Variants in ITPKB observed in about 807,000 individuals in gnomAD.
The protein encoded by ITPKB is IP3 3-kinase B.
In ITPKB, 13 loss-of-function variants were observed where a neutral mutation model predicts 69.4. That is an observed-to-expected ratio of 0.19 (90% CI 0.12 to 0.30). The LOEUF is 0.30. Among genes scored for constraint, ITPKB ranks in the 10% least tolerant of loss-of-function variants. The pLI is 1.00. For missense variants in ITPKB, 1,240 were observed against 1,250.5 expected, an observed-to-expected ratio of 0.99 and a Z score of 0.13; for synonymous variants, 584 against 513.7, an observed-to-expected ratio of 1.14 and a Z score of -1.85.
chr1:226,636,875 G>A (rs528735902), intron 7 of ITPKB, among the ~76,000 whole-genome samples: 1 of 152,146 alleles, frequency 6.6e-6, no homozygotes, highest in Admixed American at 6.5e-5. Flanking sequence ...ACATGTGTGT[G>A]TTTGTATACG....
rs1657747727 is a variant in ITPKB at position 226,736,111 on chromosome 1, G to A, written c.1348C>T (p.Leu450=). 1 of 1,602,234 alleles carries A rather than the reference G, an allele frequency of 6.2e-7. No homozygotes were observed. The highest frequency in any genetic ancestry group is 1.3e-5 in the African/African-American group (1 of 74,758). The change falls in exon 2 of 8, where the codon CTG becomes TTG. Residue 450 remains leucine (L), a synonymous_variant. Coordinates refer to ENST00000429204, the MANE Select transcript of ITPKB (RefSeq NM_002221.4). ...GAGGGGCTGCCCCCAAGCAAGCCCA[G>A]CGTTGGGGACCCTCCCTCCACTCTG... ...SDRVEGGSPT[L]GLLGGSPSAQ... is the part of the protein sequence containing the mutation.
chr1:226,641,629 C>T lies in ITPKB; in HGVS notation c.2451+292G>A, dbSNP rs987597218. Among the ~76,000 whole-genome samples, 11 of 152,230 alleles carry T rather than the reference C, an allele frequency of 7.2e-5. No homozygotes were observed. Among genetic ancestry groups the T allele is most frequent in the South Asian group, 4.1e-4 (2 of 4,834 alleles). On this transcript the variant is annotated intron_variant, in intron 5 of 7. Transcript: ENST00000429204. The surrounding 1 kb of genome is among the most constrained non-coding windows in gnomAD (Gnocchi z 4.6). ...CCACAGGCATCCCGCAGGTGCCTCT[C>T]GCCTGGCTTTCGGTGCCAGGCACCG...
At chr1:226,696,357 C>A (rs932598129) in intron 2 of ITPKB, among the ~76,000 whole-genome samples, 1 of 151,968 alleles carries the variant, frequency 6.6e-6, no homozygotes, top group African/African-American at 2.4e-5. Context: ...ATCTCTCTCT[C>A]AACACAGATG....
intron 2 of ITPKB, among the ~76,000 whole-genome samples, chr1:226,694,351 T>C (rs918358832): frequency 6.6e-6 from 1 of 152,142 alleles, no homozygotes; most frequent in African/African-American, 2.4e-5. Flanking sequence ...CTTAAGAACA[T>C]TGGAAATTGC....
intron 2 of ITPKB, among the ~76,000 whole-genome samples, chr1:226,675,367 C>T (rs189042865): frequency 1.4e-3 from 206 of 152,322 alleles, no homozygotes; most frequent in Non-Finnish European, 1.8e-3. Context: ...AGTCCTGAGA[C>T]GAGTGTCAAG....
intron 2 of ITPKB, among the ~76,000 whole-genome samples, chr1:226,715,653 A>C (rs988373005): frequency 1.3e-5 from 2 of 152,246 alleles, no homozygotes; most frequent in Admixed American, 6.5e-5. Context: ...GGAATGTAAC[A>C]AGAGGTTTTT....
intron 2 of ITPKB, among the ~76,000 whole-genome samples, chr1:226,702,420 A>T (rs966127373): frequency 1.3e-5 from 2 of 151,730 alleles, no homozygotes; most frequent in African/African-American, 4.8e-5. Flanking sequence ...AAAAAGGGAA[A>T]GTTCAACTTG....
chr1:226,715,406 C>A (rs1408921013), intron 2 of ITPKB, among the ~76,000 whole-genome samples: 2 of 152,218 alleles, frequency 1.3e-5, no homozygotes, highest in Non-Finnish European at 2.9e-5. Context: ...AGTATTTATT[C>A]TAGTTCATTG....
At chr1:226,691,070 G>A (rs1571860388) in intron 2 of ITPKB, among the ~76,000 whole-genome samples, 1 of 152,156 alleles carries the variant, frequency 6.6e-6, no homozygotes, top group Admixed American at 6.5e-5. Flanking sequence ...AGGAGAGAGG[G>A]GAGAGGGATT....
At chr1:226,730,381 T>C (rs1225636438) in intron 2 of ITPKB, among the ~76,000 whole-genome samples, 5 of 152,160 alleles carry the variant, frequency 3.3e-5, no homozygotes, top group African/African-American at 9.7e-5. Flanking sequence ...GAGTTCATAG[T>C]TGGGTTTGGT....
chr1:226,681,859 G>T (rs1656100564), intron 2 of ITPKB, among the ~76,000 whole-genome samples: 1 of 152,200 alleles, frequency 6.6e-6, no homozygotes, highest in Non-Finnish European at 1.5e-5. Flanking sequence ...TCCAGCATCT[G>T]TCACTCAGGA....
intron 2 of ITPKB, among the ~76,000 whole-genome samples, chr1:226,672,745 T>C (rs574767424): frequency 1.5e-4 from 23 of 152,296 alleles, no homozygotes; most frequent in African/African-American, 4.8e-4. Flanking sequence ...TGGGCATGTG[T>C]GGGAAGCACT....
chr1:226,687,676 C>G (rs553008096), intron 2 of ITPKB, among the ~76,000 whole-genome samples: 1 of 152,164 alleles, frequency 6.6e-6, no homozygotes, highest in Non-Finnish European at 1.5e-5. Flanking sequence ...GAGCACTTAC[C>G]TAGAGACACA....
chr1:226,717,723 G>A (rs1056652723), intron 2 of ITPKB, among the ~76,000 whole-genome samples: 1 of 152,192 alleles, frequency 6.6e-6, no homozygotes, highest in Admixed American at 6.5e-5. Context: ...CGCCGTCCGG[G>A]CCTCCTACAC....
At chr1:226,670,175 CAAAAAAA>C (rs35767912) in intron 2 of ITPKB, among the ~76,000 whole-genome samples, 41 of 32,000 alleles carry the variant, frequency 1.3e-3, no homozygotes, top group East Asian at 7.1e-3. Context: ...AGCTCCGCCG[CAAAAAAA>C]AAAAAAAAAA....
intron 7 of ITPKB, among the ~76,000 whole-genome samples, chr1:226,636,157 T>G (rs74796699): frequency 0.01 from 1,560 of 152,256 alleles, 25 homozygotes; most frequent in African/African-American, 0.032. Flanking sequence ...TCTGTGGCCT[T>G]AAGTTCTCCC....
intron 2 of ITPKB, among the ~76,000 whole-genome samples, chr1:226,670,877 G>T (rs898523914): frequency 1.3e-5 from 2 of 152,072 alleles, no homozygotes; most frequent in East Asian, 3.8e-4. Flanking sequence ...ATGATCGTAG[G>T]GTTATGATGA....
intron 2 of ITPKB, among the ~76,000 whole-genome samples, chr1:226,684,775 C>G (rs541190327): frequency 1.6e-4 from 24 of 152,282 alleles, no homozygotes; most frequent in African/African-American, 5.3e-4. Context: ...ATATAACTTA[C>G]AGGTAACAAA....
chr1:226,707,136 T>C (rs1656821033), intron 2 of ITPKB: 1 of 831,494 alleles, frequency 1.2e-6, no homozygotes. Flanking sequence ...AGGGACCTAG[T>C]AGAATAATTC....
Sources: allele counts gnomAD v4.1 joint callset (sites outside exome capture counted in the v4.1 genomes callset), GRCh38; gene constraint gnomAD v4.1.1; non-coding constraint Gnocchi (gnomAD v3.1); transcripts MANE v1.5; gene names NCBI Gene and HGNC (gene_info 2026-07-23, HGNC 2026-07-21).